DIP2B: variants seen among roughly 807,000 people sequenced by gnomAD.
The protein encoded by DIP2B is disco-interacting protein 2 homolog B.
A neutral mutation model predicts 198.0 loss-of-function variants in DIP2B; 76 were observed. That is an observed-to-expected ratio of 0.38 (90% CI 0.32 to 0.46). The LOEUF is 0.46. Among genes scored for constraint, DIP2B ranks in the 20% least tolerant of loss-of-function variants. The pLI is 0.99. For missense variants in DIP2B, 1,559 were observed against 1,978.4 expected (o/e 0.79, Z 4.02); for synonymous variants, 701 against 739.1 (o/e 0.95, Z 0.84).
At chr12:50,654,472 A>G (rs935703410) in intron 3 of DIP2B, among the ~76,000 whole-genome samples, 1 of 151,684 alleles carries the variant, frequency 6.6e-6, no homozygotes, top group African/African-American at 2.4e-5. Flanking sequence ...CTCCTGCCTC[A>G]GCCTCCTGAG....
At chr12:50,602,569 T>G (rs1958946261) in intron 1 of DIP2B, among the ~76,000 whole-genome samples, 1 of 152,204 alleles carries the variant, frequency 6.6e-6, no homozygotes, top group Non-Finnish European at 1.5e-5. Context: ...AATTAAAATT[T>G]AATATTTAGG....
At chr12:50,681,769 A>C (rs2139536076) in intron 9 of DIP2B, among the ~76,000 whole-genome samples, 1 of 152,324 alleles carries the variant, frequency 6.6e-6, no homozygotes, top group Non-Finnish European at 1.5e-5. Flanking sequence ...ATTGTGACAA[A>C]GGGCACATAA....
intron 1 of DIP2B, among the ~76,000 whole-genome samples, chr12:50,601,192 A>C (rs1958932900): frequency 6.6e-6 from 1 of 152,110 alleles, no homozygotes; most frequent in Non-Finnish European, 1.5e-5. Flanking sequence ...CCAGTGCCTG[A>C]CTTTCGTAGC....
At position 50,727,823 on chromosome 12, in the gene DIP2B, T is replaced by C. The variant is rs1939964244; in HGVS notation, c.3510+11T>C. On this transcript the variant is annotated intron_variant, in intron 29 of 37. Coordinates refer to ENST00000301180, the MANE Select transcript of DIP2B (RefSeq NM_173602.3). ...CTTACAGGAGTGAAGGTAAGGTGCA[T>C]GCTGGAAAAATGCCACATCTGCCAA... 1 of 1,608,808 alleles carries C rather than the reference T, an allele frequency of 6.2e-7. No homozygotes were observed. Among genetic ancestry groups the C allele is most frequent in the Non-Finnish European group, 8.5e-7 (1 of 1,177,622 alleles).
intron 1 of DIP2B, among the ~76,000 whole-genome samples, chr12:50,557,947 G>C (rs1958485218): frequency 6.6e-6 from 1 of 152,140 alleles, no homozygotes; most frequent in Non-Finnish European, 1.5e-5. Flanking sequence ...AGGAGTTTGA[G>C]ATTAGCCTAT....
chr12:50,699,440 G>C (rs1277890359), intron 19 of DIP2B, among the ~76,000 whole-genome samples: 1 of 152,126 alleles, frequency 6.6e-6, no homozygotes, highest in African/African-American at 2.4e-5. Flanking sequence ...TTGTACCTAT[G>C]TCATAGGATT....
rs1301119908 is a variant in DIP2B, at chr12:50,721,356, T to C, written c.3126T>C (p.His1042=). 1.2e-6 allele frequency: 2 copies of C among 1,614,076 alleles called. No homozygotes were observed. The highest frequency in any genetic ancestry group is 1.7e-6 in the Non-Finnish European group (2 of 1,180,022). The stretch of plus-strand genomic sequence containing the variant: ...CATCTGTTCTTGGTGATAAGGGACA[T>C]CTAAATGCAGGAGATAATGTGGTGT... ...RIASVLGDKG[H]LNAGDNVVLL... Residue 1042 remains histidine, a synonymous_variant, in exon 26 of 38, where the codon CAT becomes CAC. Coordinates refer to ENST00000301180, the MANE Select transcript of DIP2B (RefSeq NM_173602.3).
At chr12:50,628,838 A>G (rs1937987012) in intron 2 of DIP2B, among the ~76,000 whole-genome samples, 1 of 152,098 alleles carries the variant, frequency 6.6e-6, no homozygotes, top group African/African-American at 2.4e-5. Flanking sequence ...CCTGTCTCTC[A>G]AAACTCTTAT....
intron 12 of DIP2B, chr12:50,686,903 G>A (rs1939140797): frequency 2.6e-6 from 1 of 389,680 alleles, no homozygotes; most frequent in East Asian, 4.1e-5. Context: ...AAAAAAAAAA[G>A]GATTCTTCAT....
At chr12:50,711,564 G>GTTTGT (rs1939616153) in intron 22 of DIP2B, among the ~76,000 whole-genome samples, 3 of 152,008 alleles carry the variant, frequency 2.0e-5, no homozygotes, top group Admixed American at 2.0e-4. Context: ...TTGTTTGTTT[G>GTTTGT]TTTGTTTTGT....
In DIP2B at chr12:50,704,238, G is replaced by A; in HGVS notation, c.2406+18G>A. On this transcript the variant is annotated intron_variant, in intron 20 of 37. Transcript: ENST00000301180. ...TAGGGCCGGTAAGTGATGCTTTCAT[G>A]TTGATTTTGTTACATTTGATCCAAA... The A allele has an allele frequency of 6.2e-7, 1 of 1,603,322 alleles. No homozygotes were observed. Among genetic ancestry groups the A allele is most frequent in the South Asian group, 1.1e-5 (1 of 88,456 alleles).
At chr12:50,611,253 A>C (rs1959029478) in intron 1 of DIP2B, among the ~76,000 whole-genome samples, 1 of 152,210 alleles carries the variant, frequency 6.6e-6, no homozygotes, top group Non-Finnish European at 1.5e-5. Context: ...AGTTTGTCAT[A>C]GTTCTTTGTT....
chr12:50,601,413 C>T (rs957924186), intron 1 of DIP2B, among the ~76,000 whole-genome samples: 12 of 151,702 alleles, frequency 7.9e-5, no homozygotes, highest in East Asian at 3.9e-4. Flanking sequence ...GGCGCGATCT[C>T]GACTCACTGC....
intron 20 of DIP2B, 96 bp downstream of exon 20, chr12:50,704,316 T>C (rs1939475101): frequency 2.7e-6 from 3 of 1,124,288 alleles, no homozygotes; most frequent in Admixed American, 5.5e-5. Context: ...TCCAAGAGTG[T>C]TACAGAACCA....
At chr12:50,623,510 GACACACACACACACACACGC>G (rs1041229613) in intron 1 of DIP2B, among the ~76,000 whole-genome samples, 1 of 74,068 alleles carries the variant, frequency 1.4e-5, no homozygotes, top group Admixed American at 1.5e-4. Flanking sequence ...TAGCCTTCCA[GACACACACACACACACACGC>G]ACACACACAC....
intron 1 of DIP2B, among the ~76,000 whole-genome samples, chr12:50,517,387 A>G (rs986643586): frequency 1.3e-5 from 2 of 151,988 alleles, no homozygotes; most frequent in African/African-American, 2.4e-5. Flanking sequence ...CCATATTCTA[A>G]TGGATCACTG....
chr12:50,542,966 C>A (rs1380371858), intron 1 of DIP2B, among the ~76,000 whole-genome samples: 1 of 152,086 alleles, frequency 6.6e-6, no homozygotes, highest in Admixed American at 6.6e-5. Context: ...TTCCCAACCT[C>A]AAGCTATCCT....
chr12:50,731,562 C>A, intron 31 of DIP2B, 25 bp downstream of exon 31: 1 of 1,596,070 alleles, frequency 6.3e-7, no homozygotes, highest in Non-Finnish European at 8.6e-7. Context: ...CAGCAGGTGG[C>A]CAGTCCCAAA....
At chr12:50,643,540 A>C (rs942312808) in intron 3 of DIP2B, among the ~76,000 whole-genome samples, 3 of 151,896 alleles carry the variant, frequency 2.0e-5, no homozygotes, top group Non-Finnish European at 4.4e-5. Context: ...ATTGAAAGCT[A>C]TGAGGGTCCT....
Sources: gnomAD v4.1 joint callset for allele counts (sites outside exome capture counted in the v4.1 genomes callset) on GRCh38, gnomAD v4.1.1 for gene constraint, MANE v1.5 for transcripts, NCBI Gene and HGNC (gene_info 2026-07-23, HGNC 2026-07-21) for gene names.